The following CTNNA3 variants were observed in gnomAD, a reference collection of about 807,000 sequenced individuals.
CTNNA3 encodes catenin alpha-3.
In CTNNA3, 76 loss-of-function variants were observed where a neutral mutation model predicts 95.7. The observed-to-expected ratio is 0.79, with a 90% CI of 0.66 to 0.96. The LOEUF (loss-of-function observed/expected upper bound fraction) is 0.96. Among genes scored for constraint, CTNNA3 ranks in the 40% least tolerant of loss-of-function variants. The probability of loss-of-function intolerance (pLI) is 0.00; values close to 1 mark genes in which losing one functional copy is unlikely to be tolerated. For synonymous variants in CTNNA3, 431 were observed against 374.4 expected (o/e 1.15, Z -1.74); for missense variants, 1,191 against 1,089.8 (o/e 1.09, Z -1.31).
chr10:67,312,473 A>G (rs1408234807), intron 5 of CTNNA3, among the ~76,000 whole-genome samples: 2 of 152,234 alleles, frequency 1.3e-5, no homozygotes. Context: ...AAGCTGAGTG[A>G]TCACCATATT....
intron 9 of CTNNA3, among the ~76,000 whole-genome samples, chr10:66,707,736 G>T (rs1002458776): frequency 2.6e-5 from 4 of 152,070 alleles, no homozygotes; most frequent in African/African-American, 9.7e-5. Context: ...AGAAAAGCAA[G>T]CTACCTATTT....
intron 1 of CTNNA3, among the ~76,000 whole-genome samples, chr10:67,690,584 C>T (rs1840825263): frequency 6.6e-6 from 1 of 152,040 alleles, no homozygotes. Flanking sequence ...TGCATTTTTG[C>T]AGAGTGCTGA....
rs1308880849 is a variant in CTNNA3, at chr10:67,088,626, C to G, written c.1047+91691G>C. On this transcript the variant is annotated intron_variant, in intron 7 of 17. Coordinates refer to ENST00000433211, the MANE Select transcript of CTNNA3 (RefSeq NM_013266.4). ...TCCTTACTCTAAATGCATTTTGATG[C>G]AAGGAGAACTGTGACCTTTCAAATA... Among the ~76,000 whole-genome samples the G allele has an allele frequency of 3.3e-5, 5 of 151,962 alleles. No homozygotes were observed. The South Asian group carries it at 1.0e-3, about 32-fold the overall frequency.
At chr10:67,086,679 A>G (rs1208516219) in intron 7 of CTNNA3, among the ~76,000 whole-genome samples, 1 of 152,010 alleles carries the variant, frequency 6.6e-6, no homozygotes, top group Admixed American at 6.6e-5. Flanking sequence ...ACACACAAAC[A>G]TAAATGCCAA....
At chr10:66,416,483 G>A (rs1029006501) in intron 11 of CTNNA3, among the ~76,000 whole-genome samples, 13 of 151,614 alleles carry the variant, frequency 8.6e-5, no homozygotes, top group Non-Finnish European at 1.6e-4. Context: ...AATACAAAAA[G>A]TTCTTCTTCA....
chr10:66,383,278 C>A (rs1437413158), intron 11 of CTNNA3, among the ~76,000 whole-genome samples: 3 of 152,086 alleles, frequency 2.0e-5, no homozygotes, highest in Non-Finnish European at 4.4e-5. Context: ...AAAACCATGG[C>A]ACAAGAACTT....
intron 5 of CTNNA3, among the ~76,000 whole-genome samples, chr10:67,317,650 C>T (rs989116344): frequency 1.4e-4 from 21 of 152,120 alleles, no homozygotes; most frequent in African/African-American, 4.6e-4. Flanking sequence ...TGGTGTCGAT[C>T]TCCTGACCTC....
chr10:65,948,800 G>A (rs1021865143), intron 17 of CTNNA3, among the ~76,000 whole-genome samples: 25 of 152,094 alleles, frequency 1.6e-4, no homozygotes, highest in Non-Finnish European at 3.4e-4. Context: ...TACACAATAA[G>A]TTTCTCTTTA....
intron 7 of CTNNA3, among the ~76,000 whole-genome samples, chr10:66,857,747 C>G (rs111595683): frequency 6.6e-6 from 1 of 151,876 alleles, no homozygotes; most frequent in African/African-American, 2.4e-5. Flanking sequence ...GATTTTTGTA[C>G]GTTGATTTTG....
chr10:66,470,735 G>A (rs933080007), intron 11 of CTNNA3, among the ~76,000 whole-genome samples: 1 of 151,748 alleles, frequency 6.6e-6, no homozygotes, highest in Non-Finnish European at 1.5e-5. Context: ...ATGAAGGAGA[G>A]AAAGCAAGAA....
rs1424536639 is a variant in CTNNA3 at position 66,543,722 on chromosome 10, C to T, written c.1375-22949G>A. The stretch of plus-strand genomic sequence containing the variant: ...AATCTTTCCTATTAGAACCTCTGTT[C>T]ATCTCTGAATCTTATTTCAATTATA... On this transcript the variant is annotated intron_variant, in intron 10 of 17. Coordinates refer to ENST00000433211, the MANE Select transcript of CTNNA3 (RefSeq NM_013266.4). 2.6e-5 allele frequency among the ~76,000 whole-genome samples: 4 copies of T among 151,412 alleles called. No homozygotes were observed. In the East Asian group the frequency reaches 5.8e-4, roughly 22 times the overall value.
At chr10:66,272,938 G>C (rs1287223864) in intron 13 of CTNNA3, among the ~76,000 whole-genome samples, 1 of 152,038 alleles carries the variant, frequency 6.6e-6, no homozygotes, top group African/African-American at 2.4e-5. Flanking sequence ...CAAATTTAAT[G>C]CCTTTTCCAT....
chr10:65,980,658 G>C (rs566952228), intron 16 of CTNNA3, among the ~76,000 whole-genome samples: 1 of 151,878 alleles, frequency 6.6e-6, no homozygotes, highest in African/African-American at 2.4e-5. Context: ...TAATCACGTG[G>C]GGTTCATACC....
intron 11 of CTNNA3, among the ~76,000 whole-genome samples, chr10:66,481,455 T>G (rs1839522364): frequency 3.0e-5 from 4 of 135,420 alleles, no homozygotes; most frequent in Non-Finnish European, 6.2e-5. Flanking sequence ...CCTTATTCCC[T>G]TGTTTCTTTT....
At chr10:66,628,624 T>C (rs1344401012) in intron 9 of CTNNA3, among the ~76,000 whole-genome samples, 6 of 152,174 alleles carry the variant, frequency 3.9e-5, no homozygotes, top group East Asian at 1.9e-4. Context: ...CTTGGGCTTC[T>C]TTCTGAATTT....
intron 7 of CTNNA3, among the ~76,000 whole-genome samples, chr10:66,921,639 T>C (rs114807975): frequency 2.0e-5 from 3 of 152,184 alleles, no homozygotes; most frequent in African/African-American, 7.2e-5. Context: ...CAAGCTCATA[T>C]CCTTCAAGGT....
intron 7 of CTNNA3, among the ~76,000 whole-genome samples, chr10:67,106,583 T>A (rs1858644286): frequency 6.6e-6 from 1 of 152,218 alleles, no homozygotes; most frequent in Non-Finnish European, 1.5e-5. Flanking sequence ...AATAATCCTA[T>A]GAAGTAGATA....
At chr10:66,249,714 A>T (rs1487278435) in intron 13 of CTNNA3, among the ~76,000 whole-genome samples, 1 of 152,174 alleles carries the variant, frequency 6.6e-6, no homozygotes, top group Non-Finnish European at 1.5e-5. Context: ...CATGAAAAAT[A>T]GTTTGGAGTT....
chr10:67,541,901 A>G (rs1840695202), intron 3 of CTNNA3, among the ~76,000 whole-genome samples: 1 of 152,096 alleles, frequency 6.6e-6, no homozygotes, highest in Non-Finnish European at 1.5e-5. Flanking sequence ...AAGTTATAAT[A>G]GCCTTTTTAG....
Sources: gnomAD v4.1 joint callset for allele counts (sites outside exome capture counted in the v4.1 genomes callset) on GRCh38, gnomAD v4.1.1 for gene constraint, MANE v1.5 for transcripts, NCBI Gene and HGNC (gene_info 2026-07-23, HGNC 2026-07-21) for gene names.